RAD51B: variants seen among roughly 807,000 people sequenced by gnomAD.
RAD51B encodes the protein RAD51 paralog B, also known as DNA repair protein RAD51 homolog 2.
In RAD51B, 38 loss-of-function variants were observed where a neutral mutation model predicts 42.2. That is an observed-to-expected ratio of 0.90 (90% CI 0.70 to 1.18). RAD51B has a LOEUF of 1.18. Ranked by LOEUF, RAD51B falls within the 50% of genes most tolerant of loss-of-function variation. The pLI is 0.00. For missense variants in RAD51B, 373 were observed against 400.7 expected (o/e 0.93, Z 0.59); for synonymous variants, 154 against 145.2 (o/e 1.06, Z -0.43).
At chr14:68,195,922 A>AC (rs1356503285) in intron 7 of RAD51B, among the ~76,000 whole-genome samples, 1 of 135,236 alleles carries the variant, frequency 7.4e-6, no homozygotes, top group Non-Finnish European at 1.6e-5. Flanking sequence ...AAAAAAAAAA[A>AC]AAACAACAAT....
chr14:67,872,621 G>A (rs894429626), intron 5 of RAD51B, among the ~76,000 whole-genome samples: 2 of 150,578 alleles, frequency 1.3e-5, no homozygotes, highest in Admixed American at 6.6e-5. Context: ...AAAAGAGCCC[G>A]CATCGCCAAG....
At chr14:68,272,382 A>G (rs929321676) in intron 7 of RAD51B, among the ~76,000 whole-genome samples, 7 of 151,978 alleles carry the variant, frequency 4.6e-5, no homozygotes, top group Non-Finnish European at 7.4e-5. Context: ...CGACCCAGTT[A>G]TGAATCCTTG....
chr14:68,121,892 G>C (rs1343053170), intron 7 of RAD51B, among the ~76,000 whole-genome samples: 1 of 151,538 alleles, frequency 6.6e-6, no homozygotes, highest in Non-Finnish European at 1.5e-5. Flanking sequence ...TAGTTAAATG[G>C]AAAAAAATGG....
intron 10 of RAD51B, among the ~76,000 whole-genome samples, chr14:68,546,174 A>G (rs1888223851): frequency 1.3e-5 from 2 of 152,202 alleles, no homozygotes; most frequent in African/African-American, 4.8e-5. Context: ...TCTCCAGTTG[A>G]TACCATGGAG....
At chr14:68,459,835 A>T (rs918378738) in intron 9 of RAD51B, among the ~76,000 whole-genome samples, 1 of 152,220 alleles carries the variant, frequency 6.6e-6, no homozygotes, top group Non-Finnish European at 1.5e-5. Context: ...TCCTTACAGG[A>T]AGAAACTCTT....
intron 11 of RAD51B, among the ~76,000 whole-genome samples, chr14:68,662,345 T>C (rs1474960): frequency 0.23 from 35,632 of 152,260 alleles, 4,345 homozygotes; most frequent in South Asian, 0.27. Context: ...TATTTCATCT[T>C]GTTACATTCA....
chr14:68,029,723 C>T (rs1309750909), intron 7 of RAD51B, among the ~76,000 whole-genome samples: 1 of 152,204 alleles, frequency 6.6e-6, no homozygotes, highest in Non-Finnish European at 1.5e-5. Flanking sequence ...CAGGAATGTT[C>T]TGAATAGCAT....
intron 8 of RAD51B, among the ~76,000 whole-genome samples, chr14:68,357,115 G>A (rs2082925941): frequency 6.6e-6 from 1 of 152,062 alleles, no homozygotes; most frequent in Non-Finnish European, 1.5e-5. Flanking sequence ...CAAAATTGGA[G>A]TCAATCCTTT....
intron 7 of RAD51B, among the ~76,000 whole-genome samples, chr14:67,927,703 ATGTG>A (rs35189653): frequency 0.019 from 2,638 of 137,338 alleles, 85 homozygotes; most frequent in African/African-American, 0.063. Flanking sequence ...ATTTCATTGT[ATGTG>A]TGTGTGTGTG....
chr14:67,872,811 C>A (rs1181481662), intron 5 of RAD51B, among the ~76,000 whole-genome samples: 2 of 151,334 alleles, frequency 1.3e-5, no homozygotes, highest in African/African-American at 4.9e-5. Flanking sequence ...TGATCTTTGA[C>A]AAACCTGAGA....
At chr14:67,833,204 C>T (rs548256754) in intron 3 of RAD51B, among the ~76,000 whole-genome samples, 3 of 152,160 alleles carry the variant, frequency 2.0e-5, no homozygotes, top group Admixed American at 6.5e-5. Flanking sequence ...GGCAAAACCC[C>T]GTCTCTACTA....
chr14:67,865,339 C>G (rs568866571), intron 5 of RAD51B, among the ~76,000 whole-genome samples, 200 bp downstream of exon 5: 1 of 150,462 alleles, frequency 6.6e-6, no homozygotes, highest in Non-Finnish European at 1.5e-5. Context: ...TGGGTTCAAG[C>G]GATTCTCCTG....
At chr14:68,126,885 T>A (rs959642311) in intron 7 of RAD51B, among the ~76,000 whole-genome samples, 19 of 152,314 alleles carry the variant, frequency 1.2e-4, no homozygotes, top group African/African-American at 4.6e-4. Context: ...TTATTGCAGT[T>A]TCTCAATAAA....
chr14:68,148,826 G>A (rs892900646), intron 7 of RAD51B, among the ~76,000 whole-genome samples: 1 of 152,138 alleles, frequency 6.6e-6, no homozygotes, highest in Admixed American at 6.5e-5. Flanking sequence ...CCAACTGTAG[G>A]CTAATGGAAG....
chr14:67,925,165 C>A (rs1266383357), intron 7 of RAD51B, among the ~76,000 whole-genome samples: 2 of 152,236 alleles, frequency 1.3e-5, no homozygotes, highest in African/African-American at 4.8e-5. Context: ...GCAGCTATGC[C>A]TCTGTGGCTT....
intron 10 of RAD51B, among the ~76,000 whole-genome samples, chr14:68,491,184 T>G (rs1347090690): frequency 6.6e-6 from 1 of 152,180 alleles, no homozygotes; most frequent in Non-Finnish European, 1.5e-5. Flanking sequence ...CCAGCCCTGG[T>G]CATGGATTAG....
chr14:68,165,335 A>C (rs2078726757), intron 7 of RAD51B, among the ~76,000 whole-genome samples: 1 of 152,160 alleles, frequency 6.6e-6, no homozygotes, highest in African/African-American at 2.4e-5. Flanking sequence ...GGAAACCTCT[A>C]TAGTTCATCT....
At chr14:67,993,338 A>G (rs1243674923) in intron 7 of RAD51B, among the ~76,000 whole-genome samples, 1 of 152,020 alleles carries the variant, frequency 6.6e-6, no homozygotes, top group Non-Finnish European at 1.5e-5. Flanking sequence ...CCCTCCCTCC[A>G]TCCCGCTACA....
chr14:68,425,501 G>A (rs540024340), intron 9 of RAD51B, among the ~76,000 whole-genome samples: 6 of 152,320 alleles, frequency 3.9e-5, no homozygotes, highest in East Asian at 1.9e-4. Flanking sequence ...GCCCCCATTT[G>A]TCTCTCTGTC....
Sources: allele counts gnomAD v4.1 joint callset (sites outside exome capture counted in the v4.1 genomes callset), GRCh38; gene constraint gnomAD v4.1.1; transcripts MANE v1.5; gene names NCBI Gene and HGNC (gene_info 2026-07-23, HGNC 2026-07-21).